Variants in NEB observed in about 807,000 individuals in gnomAD.
NEB encodes the protein nebulin.
NEB carries 512 observed loss-of-function variants against 952.2 expected under a neutral mutation model. That is an observed-to-expected ratio of 0.54 (90% CI 0.50 to 0.58). The LOEUF is 0.58. Among genes scored for constraint, NEB ranks in the 20% least tolerant of loss-of-function variants. The pLI is 0.00. For synonymous variants in NEB, 2,900 were observed against 3,149.8 expected (o/e 0.92, Z 2.66); for missense variants, 8,428 against 9,231.1 (o/e 0.91, Z 3.56).
Position 151,666,148 on chromosome 2 carries a change from A to T in NEB, c.4973T>A (p.Leu1658His), listed in dbSNP as rs770356922. Residue 1658 changes from leucine to histidine, a missense_variant, in exon 41 of 182, where the codon CTC becomes CAC. By Grantham distance (99) the Leu-to-His change is moderately conservative. This residue lies in a region of NEB where 2,851 missense variants were observed against 2,791.5 expected (regional missense o/e 1.02). Transcript: ENST00000397345. Reference protein sequence around the residue: ...NYRQSYHHYTLLPDALNVEHS... With the variant: ...NYRQSYHHYTHLPDALNVEHS... ...CTCCACATTCAAGGCATCGGGCAGG[A>T]GAGTGTAGTGGTGGTATGACTGTCT... 2 of 1,613,902 alleles carry T rather than the reference A, an allele frequency of 1.2e-6. No individual in the cohort carries two copies. Among genetic ancestry groups the T allele is most frequent in the Admixed American group, 3.3e-5 (2 of 60,016 alleles).
At chr2:151,501,843 GAGAC>G (rs1416864037) in intron 167 of NEB, among the ~76,000 whole-genome samples, 2 of 152,110 alleles carry the variant, frequency 1.3e-5, no homozygotes, top group Non-Finnish European at 2.9e-5. Flanking sequence ...AGGAGAGAGA[GAGAC>G]AGGTAGGTTT....
At position 151,642,597 on chromosome 2, in the gene NEB, C is replaced by T. The variant is rs142326967; in HGVS notation, c.8350G>A (p.Ala2784Thr). The change falls in exon 60 of 182, where the codon GCC becomes ACC. Residue 2784 changes from alanine to threonine, a missense_variant. Around this residue, in one of 11 missense-constraint regions of NEB, gnomAD observed 1,772 missense variants for 1,960.3 expected, o/e 0.90. Coordinates refer to ENST00000397345, the MANE Select transcript of NEB (RefSeq NM_001164508.2). ...ACTTCACTTGCAATATCTCTGGAGG[C>T]CTTGGCTGCCTTGATAGGAATGGCA... ...VDAIPIKAAK[A>T]SRDIASEFKY... The T allele has an allele frequency of 6.4e-5, 104 of 1,613,468 alleles. 1 individual carries two copies. The East Asian group carries it at 1.3e-3, about 20-fold the overall frequency.
At chr2:151,573,757 A>C (rs1260379130) in intron 107 of NEB, among the ~76,000 whole-genome samples, 1 of 152,116 alleles carries the variant, frequency 6.6e-6, no homozygotes, top group African/African-American at 2.4e-5. Context: ...ACTATTCTAC[A>C]CACAAGTAAT....
At chr2:151,519,359 A>G (rs1185492899) in intron 154 of NEB, among the ~76,000 whole-genome samples, 2 of 152,224 alleles carry the variant, frequency 1.3e-5, no homozygotes, top group Non-Finnish European at 2.9e-5. Flanking sequence ...TATGCTAAGT[A>G]AAATAAGCCA....
rs1181782132 is a variant in NEB, at chr2:151,679,914, G to A, written c.3147+4C>T. ...CGCATCAGCCCGTGAGTCCACCCAC[G>A]CACCTCACTGATATTGTAGGCATTA... is the stretch of plus-strand genomic sequence containing the variant. On this transcript the variant is annotated splice_donor_region_variant and intron_variant, in intron 31 of 181. Transcript: ENST00000397345. 15 of 1,610,664 alleles carry A rather than the reference G, an allele frequency of 9.3e-6. No homozygotes were observed. Among genetic ancestry groups the A allele is most frequent in the African/African-American group, 2.7e-5 (2 of 74,856 alleles).
In NEB at chr2:151,570,278, G is replaced by A. The variant is rs1427371913; in HGVS notation, c.17233C>T (p.Arg5745Ter). Reference sequence around the variant, plus strand: ...TTGGCCCAGTCCAGCCGGTACTCTCGTTCATTCTGGAGCTTGTCAGCTATG... The same window carrying A: ...TTGGCCCAGTCCAGCCGGTACTCTCATTCATTCTGGAGCTTGTCAGCTATG... Reference protein sequence around the residue: ...ALIADKLQNEREYRLDWAKWK... With the variant: ...ALIADKLQNE The change falls in exon 109 of 182, where the codon CGA (arginine) becomes TGA (stop). Residue 5745 changes from arginine to a stop codon, truncating the protein, a stop_gained. Transcript: ENST00000397345. LOFTEE classifies it high-confidence loss of function. 4 of 1,613,524 alleles carry A rather than the reference G, an allele frequency of 2.5e-6. No homozygotes were observed. The highest frequency in any genetic ancestry group is 2.5e-6 in the Non-Finnish European group (3 of 1,179,744).
At chr2:151,545,814 T>G (rs1305290884) in intron 135 of NEB, 74 bp downstream of exon 135, 1 of 894,126 alleles carries the variant, frequency 1.1e-6, no homozygotes, top group African/African-American at 1.7e-5. Context: ...CTAGAGGAAC[T>G]AAGAGCCTTG....
At chr2:151,725,672 T>C in intron 5 of NEB, 112 bp from the exon 6 acceptor site, 2 of 811,340 alleles carry the variant, frequency 2.5e-6, no homozygotes, top group Non-Finnish European at 4.0e-6. Flanking sequence ...TTATCAATTA[T>C]AATAGCTTTC....
chr2:151,626,575 C>T (rs1224605806), intron 70 of NEB, among the ~76,000 whole-genome samples: 2 of 150,930 alleles, frequency 1.3e-5, no homozygotes, highest in South Asian at 2.1e-4. Context: ...CTTGCTCTGT[C>T]GCCCAGGCTG....
rs756390965 is a variant in NEB, at chr2:151,514,947, A to C, written c.22906-19T>G. 326 of 1,474,930 alleles carry C rather than the reference A, an allele frequency of 2.2e-4. 2 individuals carry two copies. The highest frequency in any genetic ancestry group is 3.3e-5 in the Non-Finnish European group (36 of 1,080,906). The allele number at this position is 1,474,930 out of a possible 1,614,324, so 91.4% of individuals were successfully genotyped here. On this transcript the variant is annotated intron_variant, in intron 157 of 181. Transcript: ENST00000397345. ...ATTCTTTCTAATGTAAGTAGGAAGG[A>C]AAGACAAGTTAAAAAAAAATCTTTA...
At chr2:151,492,539 G>A in intron 176 of NEB, 45 bp from the exon 177 acceptor site, 1 of 1,424,680 alleles carries the variant, frequency 7.0e-7, no homozygotes. Context: ...TCCTAAATCT[G>A]AAACCTCAAA....
At chr2:151,502,399 A>ACTT (rs1449199403) in intron 167 of NEB, among the ~76,000 whole-genome samples, 2 of 152,036 alleles carry the variant, frequency 1.3e-5, no homozygotes, top group Non-Finnish European at 2.9e-5. Context: ...AAAAAAAAAA[A>ACTT]ACTTAAAAGC....
chr2:151,730,615 TGAA>T lies in NEB; in HGVS notation c.37-962_37-960del, dbSNP rs1490841866. Among the ~76,000 whole-genome samples the T allele has an allele frequency of 6.0e-4, 44 of 73,564 alleles. 1 individual carries two copies. Among genetic ancestry groups the T allele is most frequent in the Non-Finnish European group, 7.4e-4 (24 of 32,462 alleles). The allele number at this position is 73,564 out of a possible 152,430, so 48.3% of individuals were successfully genotyped here. On this transcript the variant is annotated intron_variant, in intron 3 of 181. Coordinates refer to ENST00000397345, the MANE Select transcript of NEB (RefSeq NM_001164508.2). ...ATGAAACACTTGGCTCATTTCTTAGTGAAAAAAAAAAAAAAAAAAAAAGGATGT... is the reference window on the plus strand; with the variant it reads ...ATGAAACACTTGGCTCATTTCTTAGTAAAAAAAAAAAAAAAAAAAGGATGT...
chr2:151,687,778 T>G (rs537821059), intron 25 of NEB, 45 bp from the exon 26 acceptor site: 5 of 1,499,166 alleles, frequency 3.3e-6, no homozygotes, highest in African/African-American at 1.4e-5. Flanking sequence ...AACAACAGTG[T>G]AATCCAGTAA....
intron 54 of NEB, among the ~76,000 whole-genome samples, chr2:151,648,466 A>G (rs952419635): frequency 1.7e-4 from 26 of 152,286 alleles, no homozygotes; most frequent in Admixed American, 3.3e-4. Context: ...TTATTTCCAT[A>G]TATTCATGGG....
intron 52 of NEB, among the ~76,000 whole-genome samples, chr2:151,653,202 T>C (rs971369441): frequency 1.9e-4 from 29 of 152,328 alleles, no homozygotes; most frequent in Admixed American, 5.9e-4. Context: ...CCCTATGAAA[T>C]CCTGGTAATT....
In NEB at chr2:151,527,471, C is replaced by T. The variant is rs1198385109; in HGVS notation, c.21840+10G>A. 3 of 1,601,786 alleles carry T rather than the reference C, an allele frequency of 1.9e-6. No homozygotes were observed. The African/African-American group carries it at 4.0e-5, about 21-fold the overall frequency. On this transcript the variant is annotated intron_variant, in intron 147 of 181. Transcript: ENST00000397345. ...TGCAGTTACAATCGTCTGTGTCTCTCCTGTCTTACATCGCTTTGCTGCAGG... is the reference window on the plus strand; with the variant it reads ...TGCAGTTACAATCGTCTGTGTCTCTTCTGTCTTACATCGCTTTGCTGCAGG...
At chr2:151,651,526 G>A (rs2154136955) in intron 52 of NEB, among the ~76,000 whole-genome samples, 1 of 152,292 alleles carries the variant, frequency 6.6e-6, no homozygotes. Context: ...TGCATGTGCA[G>A]ATGGCTAAAA....
In NEB at chr2:151,717,587, A is replaced by C. The variant is rs1457126740; in HGVS notation, c.718-67T>G. 4.4e-6 allele frequency: 5 copies of C among 1,145,430 alleles called. No individual in the cohort carries two copies. The African/African-American group carries it at 6.1e-5, about 14-fold the overall frequency. 71.0% of individuals were successfully genotyped at this position (1,145,430 alleles called of 1,614,324 possible). Reference sequence around the variant, plus strand: ...TGCTTTCATCTTTATTTGAAGTCTTAAATTTTAGTGTAACATGTTATAATT... The same window carrying C: ...TGCTTTCATCTTTATTTGAAGTCTTCAATTTTAGTGTAACATGTTATAATT... On this transcript the variant is annotated intron_variant, in intron 9 of 181. Transcript: ENST00000397345.
Sources: allele counts gnomAD v4.1 joint callset (sites outside exome capture counted in the v4.1 genomes callset), GRCh38; gene constraint gnomAD v4.1.1; regional missense constraint gnomAD v4.1.1; transcripts MANE v1.5; gene names NCBI Gene and HGNC (gene_info 2026-07-23, HGNC 2026-07-21).